The following PDE1A variants were observed in gnomAD, a reference collection of about 807,000 sequenced individuals.
The protein encoded by PDE1A is dual specificity calcium/calmodulin-dependent 3',5'-cyclic nucleotide phosphodiesterase 1A.
In PDE1A, 35 loss-of-function variants were observed where a neutral mutation model predicts 61.7. The observed-to-expected ratio is 0.57, with a 90% confidence interval of 0.43 to 0.75. The LOEUF (loss-of-function observed/expected upper bound fraction) is 0.75, where lower values mean the gene tolerates loss of function less well. PDE1A is among the 30% of genes least tolerant of loss of function. The pLI, the probability that PDE1A is intolerant of heterozygous loss-of-function variation, is 0.00. For missense variants in PDE1A, 597 were observed against 630.6 expected (o/e 0.95, Z 0.57); for synonymous variants, 232 against 213.2 (o/e 1.09, Z -0.77).
At chr2:182,633,207 CA>C in the PDE1A span, among the ~76,000 whole-genome samples, 1 of 152,190 alleles carries the variant, frequency 6.6e-6, no homozygotes, top group African/African-American at 2.4e-5. Context: ...ATAAGATTTT[CA>C]GTTGCTCAGG....
the PDE1A span, among the ~76,000 whole-genome samples, chr2:182,624,681 C>T: frequency 6.6e-6 from 1 of 152,256 alleles, no homozygotes; most frequent in South Asian, 2.1e-4. Flanking sequence ...CAGTCCCCTT[C>T]TTGAGCAGCT....
chr2:182,324,662 T>C (rs187522241), intron 1 of PDE1A, among the ~76,000 whole-genome samples: 79 of 152,308 alleles, frequency 5.2e-4, no homozygotes, highest in African/African-American at 1.6e-3. Flanking sequence ...GTTCTGTGGG[T>C]ACATTGGGTA....
rs2623420 is a variant in PDE1A at position 182,248,512 on chromosome 2, G to A, written c.168-8220C>T. On this transcript the variant is annotated intron_variant, in intron 2 of 13. Transcript: ENST00000351439. ...CAATCTGTGACTCAACTAATCCTTC[G>A]GAGCTATTTATAATCATAATTTTCT... 4.1e-3 allele frequency among the ~76,000 whole-genome samples: 622 copies of A among 152,092 alleles called. 7 individuals are homozygous for A. Among genetic ancestry groups the A allele is most frequent in the African/African-American group, 0.015 (605 of 41,470 alleles).
the PDE1A span, among the ~76,000 whole-genome samples, chr2:182,566,391 CA>C: frequency 1.3e-5 from 2 of 151,312 alleles, no homozygotes; most frequent in African/African-American, 4.9e-5. Context: ...AAATAATTAA[CA>C]ATGAACATTA....
exon 1 of PDE1A, chr2:182,426,597 G>A (rs762263279): frequency 1.2e-5 from 19 of 1,611,456 alleles, no homozygotes; most frequent in Non-Finnish European, 1.4e-5. Context: ...GGTCTTTGGA[G>A]ATGTTTCTTC....
At chr2:182,371,850 T>C (rs2125248776) in intron 1 of PDE1A, among the ~76,000 whole-genome samples, 1 of 152,350 alleles carries the variant, frequency 6.6e-6, no homozygotes, top group East Asian at 1.9e-4. Context: ...AGTGATGCCA[T>C]CTTGGCTCAC....
chr2:182,583,790 T>C, the PDE1A span, among the ~76,000 whole-genome samples: 1 of 152,242 alleles, frequency 6.6e-6, no homozygotes, highest in Non-Finnish European at 1.5e-5. Context: ...TTGCCTTCAT[T>C]ATACAATGTT....
At chr2:182,248,940 C>T (rs890907669) in intron 2 of PDE1A, among the ~76,000 whole-genome samples, 1 of 152,196 alleles carries the variant, frequency 6.6e-6, no homozygotes, top group African/African-American at 2.4e-5. Flanking sequence ...CATATTTCAT[C>T]CAAATACCAT....
the PDE1A span, among the ~76,000 whole-genome samples, chr2:182,621,422 A>G: frequency 6.6e-6 from 1 of 152,116 alleles, no homozygotes; most frequent in Non-Finnish European, 1.5e-5. Flanking sequence ...AGCCTTTTGG[A>G]AACACAAAAG....
At chr2:182,581,789 A>G in the PDE1A span, among the ~76,000 whole-genome samples, 1 of 152,188 alleles carries the variant, frequency 6.6e-6, no homozygotes, top group Non-Finnish European at 1.5e-5. Context: ...AGAGCTCACT[A>G]GAGACTCAAC....
chr2:182,344,316 A>G (rs1377692613), intron 1 of PDE1A, among the ~76,000 whole-genome samples: 1 of 152,204 alleles, frequency 6.6e-6, no homozygotes, highest in Non-Finnish European at 1.5e-5. Context: ...GAAAATATGA[A>G]CAAATATTTT....
At chr2:182,215,431 G>GAAAT (rs1441887258) in intron 7 of PDE1A, among the ~76,000 whole-genome samples, 2 of 147,756 alleles carry the variant, frequency 1.4e-5, no homozygotes, top group South Asian at 2.2e-4. Context: ...AGAACTGAAG[G>GAAAT]AAATAGAGAC....
At chr2:182,354,028 A>G (rs979627462) in intron 1 of PDE1A, among the ~76,000 whole-genome samples, 1 of 152,158 alleles carries the variant, frequency 6.6e-6, no homozygotes, top group Non-Finnish European at 1.5e-5. Context: ...ATTGTCAACC[A>G]CACTTTCACG....
the PDE1A span, among the ~76,000 whole-genome samples, chr2:182,659,767 G>A: frequency 6.6e-6 from 1 of 152,154 alleles, no homozygotes; most frequent in Non-Finnish European, 1.5e-5. Flanking sequence ...TACTTATGTA[G>A]CATGATGCCT....
chr2:182,567,798 C>CTT, the PDE1A span, among the ~76,000 whole-genome samples: 6 of 126,626 alleles, frequency 4.7e-5, no homozygotes, highest in Admixed American at 1.6e-4. Flanking sequence ...TTTCTTTTTT[C>CTT]TTTTTTTTTT....
At chr2:182,614,349 T>C in the PDE1A span, among the ~76,000 whole-genome samples, 1 of 152,132 alleles carries the variant, frequency 6.6e-6, no homozygotes. Context: ...AGCTAGCTCA[T>C]AGAGCTATTG....
the PDE1A span, among the ~76,000 whole-genome samples, chr2:182,598,922 G>C: frequency 6.6e-6 from 1 of 152,200 alleles, no homozygotes; most frequent in Non-Finnish European, 1.5e-5. Flanking sequence ...ACAGTGCCTG[G>C]ACTTCTGCAG....
At chr2:182,194,259 A>G (rs3769791) in intron 10 of PDE1A, among the ~76,000 whole-genome samples, 112,586 of 152,028 alleles carry the variant, frequency 0.74, 41,947 homozygotes, top group East Asian at 0.91. Flanking sequence ...TGATGGAAGT[A>G]ACTATTTTTG....
At chr2:182,658,374 T>C in the PDE1A span, among the ~76,000 whole-genome samples, 1 of 152,234 alleles carries the variant, frequency 6.6e-6, no homozygotes, top group African/African-American at 2.4e-5. Flanking sequence ...GTGTGCACCT[T>C]TGCCCTCATA....
Sources: gnomAD v4.1 joint callset for allele counts (sites outside exome capture counted in the v4.1 genomes callset) on GRCh38, gnomAD v4.1.1 for gene constraint, MANE v1.5 for transcripts, NCBI Gene and HGNC (gene_info 2026-07-23, HGNC 2026-07-21) for gene names.